PRPF3: variants seen among roughly 807,000 people sequenced by gnomAD.
The protein encoded by PRPF3 is pre-mRNA processing factor 3.
Under a neutral mutation model 89.2 loss-of-function variants are expected in PRPF3, and 3 were observed. The ratio of observed to expected loss-of-function variants is 0.03; its 90% CI spans 0.02 to 0.09. The LOEUF (loss-of-function observed/expected upper bound fraction) is 0.09, where lower values mean the gene tolerates loss of function less well. PRPF3 is among the 10% of genes least tolerant of loss of function. The pLI is 1.00. For missense variants in PRPF3, 463 were observed against 828.8 expected, an observed-to-expected ratio of 0.56 and a Z score of 5.42; for synonymous variants, 270 against 289.1, an observed-to-expected ratio of 0.93 and a Z score of 0.67.
At chr1:150,340,296 A>G in intron 8 of PRPF3, 102 bp from the exon 9 acceptor site, 1 of 808,554 alleles carries the variant, frequency 1.2e-6, no homozygotes, top group Non-Finnish European at 2.1e-6. Context: ...AAGCACAAGA[A>G]CCCATTATAG....
intron 4 of PRPF3, among the ~76,000 whole-genome samples, chr1:150,330,938 C>T (rs1053293542): frequency 6.4e-5 from 9 of 140,758 alleles, no homozygotes; most frequent in South Asian, 4.6e-4. Context: ...AGGCTGGTCT[C>T]GAACTCCTGA....
chr1:150,327,084 C>T (rs76694338), intron 3 of PRPF3, among the ~76,000 whole-genome samples: 148,889 of 149,126 alleles, frequency 1, 74,326 homozygotes, highest in Middle Eastern at 1. Context: ...TTTTTTTTTT[C>T]TAAGGGTGAG....
At chr1:150,342,357 G>T (rs1343866887) in intron 9 of PRPF3, among the ~76,000 whole-genome samples, 1 of 152,028 alleles carries the variant, frequency 6.6e-6, no homozygotes, top group Non-Finnish European at 1.5e-5. Flanking sequence ...TCCAGCCTGG[G>T]CAGCAGAGCG....
At chr1:150,351,838 C>CT (rs1233706636) in intron 15 of PRPF3, among the ~76,000 whole-genome samples, 2 of 151,938 alleles carry the variant, frequency 1.3e-5, no homozygotes, top group African/African-American at 4.8e-5. Flanking sequence ...GCACCCTCAT[C>CT]TTTCAATTTT....
intron 2 of PRPF3, among the ~76,000 whole-genome samples, chr1:150,325,468 A>C (rs1354457808): frequency 1.3e-5 from 2 of 152,190 alleles, no homozygotes; most frequent in Non-Finnish European, 2.9e-5. Context: ...AGGCTTCTAC[A>C]ACTTGCTATT....
At position 150,352,954 on chromosome 1, in the gene PRPF3, A is replaced by T; in HGVS notation, c.2027A>T (p.Glu676Val). 6.2e-7 allele frequency: 1 copy of T among 1,614,090 alleles called. No individual in the cohort carries two copies. The highest frequency in any genetic ancestry group is 8.5e-7 in the Non-Finnish European group (1 of 1,180,014). ...CACTACTGGGACCTTGCGCTGAGTG[A>T]ATCTGTGTTAGAGTCCACTGATTGA... ...AEHYWDLALS[E>V]SVLESTD is the part of the protein sequence containing the mutation. The change falls in exon 16 of 16, where the codon GAA becomes GTA. Residue 676 changes from glutamate (E) to valine (V), a missense_variant. Coordinates refer to ENST00000324862, the MANE Select transcript of PRPF3 (RefSeq NM_004698.4).
chr1:150,349,005 A>C (rs1658615991), intron 14 of PRPF3, 152 bp from the exon 15 acceptor site: 1 of 727,766 alleles, frequency 1.4e-6, no homozygotes. Flanking sequence ...TTCAAGTCTA[A>C]TTTGGGGAAA....
intron 4 of PRPF3, among the ~76,000 whole-genome samples, chr1:150,332,302 C>T (rs1656502626): frequency 1.3e-5 from 2 of 152,018 alleles, no homozygotes; most frequent in South Asian, 4.1e-4. Flanking sequence ...GTGGTTAACA[C>T]TAGACCTGTA....
chr1:150,323,368 G>C lies in PRPF3; in HGVS notation c.-48-1527G>C, dbSNP rs142005783. ...ATTTTTGTATTTTTAGTAGAGACAG[G>C]TGCAGTGGGTCACGCCTGTAATCCC... On this transcript the variant is annotated intron_variant, in intron 1 of 15. Coordinates refer to ENST00000324862, the MANE Select transcript of PRPF3 (RefSeq NM_004698.4). Among the ~76,000 whole-genome samples the C allele has an allele frequency of 1.1e-3, 160 of 151,864 alleles. 2 individuals are homozygous for C. Among genetic ancestry groups the C allele is most frequent in the African/African-American group, 3.7e-3 (154 of 41,436 alleles).
intron 14 of PRPF3, among the ~76,000 whole-genome samples, chr1:150,348,072 C>T (rs782660903): frequency 3.3e-5 from 5 of 152,110 alleles, no homozygotes; most frequent in African/African-American, 1.2e-4. Context: ...TCTTTGAACA[C>T]CTGGATTAGC....
intron 10 of PRPF3, 21 bp downstream of exon 10, chr1:150,343,473 T>C: frequency 6.2e-7 from 1 of 1,612,472 alleles, no homozygotes; most frequent in Non-Finnish European, 8.5e-7. Flanking sequence ...CAGTGGCCTC[T>C]TCTGTTAAAA....
intron 13 of PRPF3, 82 bp from the exon 14 acceptor site, chr1:150,346,326 C>T: frequency 1.4e-6 from 2 of 1,424,582 alleles, no homozygotes; most frequent in East Asian, 2.3e-5. Flanking sequence ...CTTCAACTAC[C>T]ACATTAATGT....
In PRPF3 at chr1:150,337,922, A is replaced by G. The variant is rs1213922263; in HGVS notation, c.1036-238A>G. Among the ~76,000 whole-genome samples, 10 of 152,142 alleles carry G rather than the reference A, an allele frequency of 6.6e-5. 1 individual carries two copies. The highest frequency in any genetic ancestry group is 4.2e-4 in the South Asian group (2 of 4,818). On this transcript the variant is annotated intron_variant, in intron 7 of 15. Transcript: ENST00000324862. ...AAACCCCATCTCTACTAAAAATACA[A>G]AATTAGCTGAGGGTGGTGGCACATG... is the stretch of plus-strand genomic sequence containing the variant.
At position 150,344,675 on chromosome 1, in the gene PRPF3, G is replaced by A; in HGVS notation, c.1640+128G>A. ...TTCCTACTCTCTTTTAATGACCCTAGTGTGGATCAAGAGCTAGTAAATCTT... is the reference window on the plus strand; with the variant it reads ...TTCCTACTCTCTTTTAATGACCCTAATGTGGATCAAGAGCTAGTAAATCTT... On this transcript the variant is annotated intron_variant, in intron 12 of 15. Coordinates refer to ENST00000324862, the MANE Select transcript of PRPF3 (RefSeq NM_004698.4). 5.0e-6 allele frequency: 5 copies of A among 1,005,228 alleles called. No homozygotes were observed. In the South Asian group the frequency reaches 5.6e-5, roughly 11 times the overall value. The allele number at this position is 1,005,228 out of a possible 1,614,324, so 62.3% of individuals were successfully genotyped here.
chr1:150,324,440 G>A (rs587628637), intron 1 of PRPF3, among the ~76,000 whole-genome samples: 1 of 152,254 alleles, frequency 6.6e-6, no homozygotes, highest in African/African-American at 2.4e-5. Context: ...TTGAGATATG[G>A]TTCTTGGGGA....
intron 8 of PRPF3, among the ~76,000 whole-genome samples, chr1:150,339,234 G>A (rs1657396824): frequency 6.6e-6 from 1 of 151,338 alleles, no homozygotes; most frequent in African/African-American, 2.4e-5. Flanking sequence ...AAGTAGCTGG[G>A]CATGGTGGCT....
At chr1:150,338,039 A>G (rs984647495) in intron 7 of PRPF3, 121 bp from the exon 8 acceptor site, 349 of 1,025,596 alleles carry the variant, frequency 3.4e-4, no homozygotes, top group Non-Finnish European at 4.7e-4. Context: ...ATGCCATTGC[A>G]CTCCAGCCTG....
rs1553863628 is a variant in PRPF3, at chr1:150,325,891, A to G, written c.276+10A>G. The G allele has an allele frequency of 6.2e-7, 1 of 1,611,972 alleles. No individual in the cohort carries two copies. On this transcript the variant is annotated intron_variant, in intron 3 of 15. Coordinates refer to ENST00000324862, the MANE Select transcript of PRPF3 (RefSeq NM_004698.4). Reference sequence around the variant, plus strand: ...AAAACGAGAGCTAAAGGTAGGTTACAATTTACTGTCTAATGAGCTCAGGAC... The same window carrying G: ...AAAACGAGAGCTAAAGGTAGGTTACGATTTACTGTCTAATGAGCTCAGGAC...
At chr1:150,346,625 C>A in intron 14 of PRPF3, 134 bp downstream of exon 14, 1 of 893,498 alleles carries the variant, frequency 1.1e-6, no homozygotes, top group Non-Finnish European at 1.8e-6. Flanking sequence ...TAGAAAGACC[C>A]GTTTAGACTT....
Sources: gnomAD v4.1 joint callset for allele counts (sites outside exome capture counted in the v4.1 genomes callset) on GRCh38, gnomAD v4.1.1 for gene constraint, MANE v1.5 for transcripts, NCBI Gene and HGNC (gene_info 2026-07-23, HGNC 2026-07-21) for gene names.